The following HTR1F variants were observed in gnomAD, a reference collection of about 807,000 sequenced individuals.
The protein encoded by HTR1F is 5-hydroxytryptamine receptor 1F, also known as 5-hydroxytryptamine (serotonin) receptor 1F, G protein-coupled.
A neutral mutation model predicts 24.0 loss-of-function variants in HTR1F; 17 were observed. The ratio of observed to expected loss-of-function variants is 0.71; its 90% confidence interval spans 0.48 to 1.06. HTR1F has a LOEUF of 1.06. Among genes scored for constraint, HTR1F ranks in the 50% least tolerant of loss-of-function variants. The pLI is 0.00. For synonymous variants in HTR1F, 186 were observed against 156.8 expected, an observed-to-expected ratio of 1.19 and a Z score of -1.39; for missense variants, 391 against 427.8, an observed-to-expected ratio of 0.91 and a Z score of 0.76.
At chr3:87,968,276 G>A (rs1040437227) in intron 2 of HTR1F, among the ~76,000 whole-genome samples, 9 of 151,858 alleles carry the variant, frequency 5.9e-5, no homozygotes, top group East Asian at 3.9e-4. Context: ...GCAATGGCAC[G>A]ATCTTGGCTC....
At chr3:87,886,557 G>T (rs1559619189) in intron 2 of HTR1F, among the ~76,000 whole-genome samples, 1 of 152,164 alleles carries the variant, frequency 6.6e-6, no homozygotes, top group Non-Finnish European at 1.5e-5. Flanking sequence ...AATTGTCCCT[G>T]TTTGCAGATG....
intron 2 of HTR1F, among the ~76,000 whole-genome samples, chr3:87,875,768 C>CA (rs1429091577): frequency 1.3e-5 from 2 of 150,772 alleles, no homozygotes; most frequent in African/African-American, 4.9e-5. Context: ...ACTAAAAATA[C>CA]AAAAAATTAG....
At chr3:87,897,945 C>T (rs1706237868) in intron 2 of HTR1F, among the ~76,000 whole-genome samples, 1 of 151,990 alleles carries the variant, frequency 6.6e-6, no homozygotes, top group African/African-American at 2.4e-5. Flanking sequence ...ATATACATGT[C>T]TCCCAACAGT....
chr3:87,831,020 C>G (rs1433949407), intron 2 of HTR1F, among the ~76,000 whole-genome samples: 4 of 152,022 alleles, frequency 2.6e-5, no homozygotes, highest in Admixed American at 2.6e-4. Context: ...GTGCAATATC[C>G]TCTGAGTCTG....
At position 87,990,811 on chromosome 3, in the gene HTR1F, C is replaced by T; in HGVS notation, c.62C>T (p.Pro21Leu). The T allele has an allele frequency of 6.2e-7, 1 of 1,613,558 alleles. No homozygotes were observed. The highest frequency in any genetic ancestry group is 8.5e-7 in the Non-Finnish European group (1 of 1,179,490). Reference protein sequence around the residue: ...LTSEELLNRMPSKILVSLTLS... With the variant: ...LTSEELLNRMLSKILVSLTLS... ...TCAGAGGAACTGTTAAACAGAATGC[C>T]ATCCAAAATTCTGGTGTCCCTCACT... Residue 21 changes from proline to leucine, a missense_variant, in exon 3 of 3, where the codon CCA becomes CTA. Pro to Leu is a moderately conservative substitution (Grantham distance 98). Coordinates refer to ENST00000319595, the MANE Select transcript of HTR1F (RefSeq NM_001322209.2).
chr3:87,988,044 C>T (rs1705717625), intron 2 of HTR1F, among the ~76,000 whole-genome samples: 1 of 151,468 alleles, frequency 6.6e-6, no homozygotes, highest in East Asian at 1.9e-4. Flanking sequence ...TTGATTATGC[C>T]CAGAACCCTA....
At chr3:87,943,483 G>A (rs1050844578) in intron 2 of HTR1F, among the ~76,000 whole-genome samples, 11 of 151,826 alleles carry the variant, frequency 7.2e-5, no homozygotes, top group African/African-American at 1.7e-4. Flanking sequence ...GCTTGGAGGG[G>A]GCATAATCGG....
At chr3:87,819,331 T>C (rs1704310039) in intron 1 of HTR1F, among the ~76,000 whole-genome samples, 1 of 150,018 alleles carries the variant, frequency 6.7e-6, no homozygotes, top group African/African-American at 2.5e-5. Context: ...CCCATTGTTA[T>C]ACAATAAGAT....
chr3:87,813,838 G>A (rs113814139), intron 1 of HTR1F, among the ~76,000 whole-genome samples: 111 of 152,238 alleles, frequency 7.3e-4, no homozygotes, highest in Middle Eastern at 6.8e-3. Context: ...TCACCATATA[G>A]GATATACCTG....
intron 1 of HTR1F, among the ~76,000 whole-genome samples, chr3:87,797,825 T>C (rs1703930287): frequency 6.6e-6 from 1 of 152,136 alleles, no homozygotes; most frequent in Non-Finnish European, 1.5e-5. Flanking sequence ...ATGTCGGAAG[T>C]AGACCAATGA....
At position 87,984,623 on chromosome 3, in the gene HTR1F, C is replaced by G. The variant is rs142916532; in HGVS notation, c.-42-6085C>G. On this transcript the variant is annotated intron_variant, in intron 2 of 2. Transcript: ENST00000319595. Reference sequence around the variant, plus strand: ...GATTACAGGCATGTGCCACCACACCCAGCTAATTATTTGTATTCAGAAGAG... The same window carrying G: ...GATTACAGGCATGTGCCACCACACCGAGCTAATTATTTGTATTCAGAAGAG... 7.1e-3 allele frequency among the ~76,000 whole-genome samples: 1,083 copies of G among 152,182 alleles called. 10 individuals carry two copies. The highest frequency in any genetic ancestry group is 0.011 in the Non-Finnish European group (776 of 68,012).
chr3:87,857,505 A>C (rs1171070636), intron 2 of HTR1F, among the ~76,000 whole-genome samples: 2 of 152,180 alleles, frequency 1.3e-5, no homozygotes, highest in African/African-American at 4.8e-5. Context: ...ATAGAAAAAC[A>C]GAAAATAGCT....
chr3:87,932,949 C>T (rs1361237104), intron 2 of HTR1F, among the ~76,000 whole-genome samples: 2 of 149,812 alleles, frequency 1.3e-5, no homozygotes, highest in African/African-American at 5.0e-5. Flanking sequence ...ATGCAAAAAT[C>T]CTCAATAAAA....
chr3:87,974,304 C>T (rs772451604), intron 2 of HTR1F, among the ~76,000 whole-genome samples: 3 of 152,122 alleles, frequency 2.0e-5, no homozygotes, highest in South Asian at 2.1e-4. Flanking sequence ...TTTTAAAATC[C>T]GCCAAGATTT....
intron 2 of HTR1F, among the ~76,000 whole-genome samples, chr3:87,849,416 TG>T (rs1464833108): frequency 1.3e-5 from 2 of 151,840 alleles, no homozygotes; most frequent in Non-Finnish European, 2.9e-5. Context: ...TGTAGAAAGC[TG>T]AAACTGGATC....
At chr3:87,812,422 A>G (rs1704176070) in intron 1 of HTR1F, among the ~76,000 whole-genome samples, 1 of 53,960 alleles carries the variant, frequency 1.9e-5, no homozygotes, top group Admixed American at 2.4e-4. Context: ...GACTAGTGGA[A>G]TTTTGCCCCT....
At chr3:87,988,086 G>A (rs544036033) in intron 2 of HTR1F, among the ~76,000 whole-genome samples, 7 of 151,750 alleles carry the variant, frequency 4.6e-5, no homozygotes, top group South Asian at 2.1e-4. Context: ...AGTATCACCC[G>A]GGAACTTGCT....
intron 2 of HTR1F, among the ~76,000 whole-genome samples, chr3:87,877,111 C>T (rs77082919): frequency 0.09 from 13,698 of 151,920 alleles, 797 homozygotes; most frequent in East Asian, 0.22. Flanking sequence ...GAAGAGCAAA[C>T]TGATATAGAA....
intron 2 of HTR1F, among the ~76,000 whole-genome samples, chr3:87,934,808 AGTAC>A (rs1704372018): frequency 6.6e-6 from 1 of 152,200 alleles, no homozygotes; most frequent in Non-Finnish European, 1.5e-5. Context: ...CAGCCTAAGA[AGTAC>A]GGAGTTGCAT....
Sources: allele counts gnomAD v4.1 joint callset (sites outside exome capture counted in the v4.1 genomes callset), GRCh38; gene constraint gnomAD v4.1.1; transcripts MANE v1.5; gene names NCBI Gene and HGNC (gene_info 2026-07-23, HGNC 2026-07-21).